The following EMSY variants were observed in gnomAD, a reference collection of about 807,000 sequenced individuals.
The protein encoded by EMSY is EMSY transcriptional repressor, BRCA2 interacting.
A neutral mutation model predicts 134.6 loss-of-function variants in EMSY; 26 were observed. The observed-to-expected ratio is 0.19, with a 90% CI of 0.14 to 0.27. The LOEUF (loss-of-function observed/expected upper bound fraction) is 0.27. Ranked by LOEUF, EMSY falls within the 10% of genes least tolerant of loss-of-function variation. EMSY has a pLI of 1.00. For missense variants in EMSY, 1,305 were observed against 1,611.4 expected, an observed-to-expected ratio of 0.81 and a Z score of 3.26; for synonymous variants, 579 against 577.8, an observed-to-expected ratio of 1.00 and a Z score of -0.03.
intron 8 of EMSY, among the ~76,000 whole-genome samples, chr11:76,495,729 A>G (rs538454565): frequency 6.6e-6 from 1 of 152,332 alleles, no homozygotes; most frequent in East Asian, 1.9e-4. Context: ...AAAGGGAATT[A>G]TCTTGTTCAA....
At chr11:76,516,455 TTAAA>T (rs1950455235) in intron 11 of EMSY, 143 bp downstream of exon 12, 2 of 509,860 alleles carry the variant, frequency 3.9e-6, no homozygotes, top group African/African-American at 2.0e-5. Context: ...TGTTTCATGA[TTAAA>T]TAAAGTTTTT....
chr11:76,550,389 T>G (rs1013316514), exon 21 of EMSY: 4 of 309,638 alleles, frequency 1.3e-5, no homozygotes, highest in African/African-American at 8.6e-5. Context: ...TTACAGTGAC[T>G]TAAGACCTGG....
intron 8 of EMSY, among the ~76,000 whole-genome samples, chr11:76,477,958 G>A (rs578172575): frequency 6.6e-6 from 1 of 152,118 alleles, no homozygotes; most frequent in East Asian, 1.9e-4. Context: ...TTTACCCAAT[G>A]TTGTGACACT....
intron 8 of EMSY, among the ~76,000 whole-genome samples, chr11:76,485,861 G>T (rs1949156464): frequency 6.6e-6 from 1 of 152,172 alleles, no homozygotes; most frequent in African/African-American, 2.4e-5. Flanking sequence ...CAAGTATCTA[G>T]AACCAGAAAT....
At chr11:76,494,696 TTCC>T (rs1565314802) in intron 8 of EMSY, among the ~76,000 whole-genome samples, 11 of 119,922 alleles carry the variant, frequency 9.2e-5, no homozygotes, top group African/African-American at 2.9e-4. Flanking sequence ...CCTTCCTTCC[TTCC>T]TTCCTTCCTT....
At chr11:76,523,397 G>C in intron 12 of EMSY, 106 bp downstream of exon 13, 1 of 1,325,234 alleles carries the variant, frequency 7.5e-7, no homozygotes. Context: ...AGCCAGAATG[G>C]CTTGGTTTAC....
chr11:76,471,020 A>G (rs1056683468), intron 7 of EMSY, among the ~76,000 whole-genome samples: 1 of 152,088 alleles, frequency 6.6e-6, no homozygotes, highest in East Asian at 1.9e-4. Context: ...TCATATCAAT[A>G]TACAAGCAAA....
At chr11:76,500,663 A>G (rs1949827275) in intron 9 of EMSY, among the ~76,000 whole-genome samples, 1 of 152,226 alleles carries the variant, frequency 6.6e-6, no homozygotes, top group South Asian at 2.1e-4. Flanking sequence ...AATAGAGTTT[A>G]ACAGCTGGGT....
chr11:76,478,147 C>A (rs1484700165), intron 8 of EMSY, among the ~76,000 whole-genome samples: 1 of 152,050 alleles, frequency 6.6e-6, no homozygotes, highest in African/African-American at 2.4e-5. Flanking sequence ...CCTGTGAAAT[C>A]CCCCCTTATC....
chr11:76,550,396 C>A lies in EMSY; in HGVS notation c.*250C>A, dbSNP rs939200593. The A allele has an allele frequency of 2.4e-5, 7 of 295,966 alleles. No homozygotes were observed. The Admixed American group carries it at 2.5e-4, about 11-fold the overall frequency. 18.3% of individuals were successfully genotyped at this position (295,966 alleles called of 1,614,324 possible). A position where few individuals can be genotyped will look rare whatever the true frequency, so the allele number is the denominator to read the frequency against. On this transcript the variant is annotated 3_prime_UTR_variant, in exon 21 of 21. Coordinates refer to ENST00000334736, the Ensembl canonical transcript of EMSY. ...CTGCACATTTACAGTGACTTAAGAC[C>A]TGGTCTTCTTTCTCTGTTGGATCAT...
rs1184315665 is a variant in EMSY, at chr11:76,472,847, G to A, written c.1108+7G>A. ...ATGTCAACAGTAGCACAAGGTGAGT[G>A]CTGTTTCACAATTTAATTCTGTCAC... On this transcript the variant is annotated splice_region_variant and intron_variant, in intron 8 of 20. Transcript: ENST00000334736. The A allele has an allele frequency of 6.2e-7, 1 of 1,609,786 alleles. No homozygotes were observed.
At chr11:76,479,798 T>C (rs1268138936) in intron 8 of EMSY, among the ~76,000 whole-genome samples, 2 of 152,130 alleles carry the variant, frequency 1.3e-5, no homozygotes, top group Non-Finnish European at 2.9e-5. Flanking sequence ...CAGAAGTTAA[T>C]GAAAAATAGA....
chr11:76,545,151 A>G (rs1951596209), intron 19 of EMSY, among the ~76,000 whole-genome samples: 2 of 152,314 alleles, frequency 1.3e-5, no homozygotes, highest in Admixed American at 1.3e-4. Context: ...ATTTATTTCC[A>G]TGCCTATAAA....
intron 3 of EMSY, 34 bp from the exon 4 acceptor site, chr11:76,453,280 G>T: frequency 6.3e-7 from 1 of 1,594,794 alleles, no homozygotes; most frequent in South Asian, 1.1e-5. Context: ...CTGCCTGCTT[G>T]GCAGAGTTCT....
chr11:76,466,863 A>G (rs1448706543), intron 7 of EMSY, among the ~76,000 whole-genome samples: 1 of 152,212 alleles, frequency 6.6e-6, no homozygotes, highest in Non-Finnish European at 1.5e-5. Context: ...TTATGAGATG[A>G]GAATGATGTC....
intron 11 of EMSY, among the ~76,000 whole-genome samples, chr11:76,522,352 CTTTTTTTTTTTTT>C (rs71040003): frequency 2.1e-3 from 93 of 44,246 alleles, no homozygotes; most frequent in African/African-American, 7.1e-3. Context: ...GTTTACTTTG[CTTTTTTTTTTTTT>C]TTTTTTTTTT....
intron 19 of EMSY, among the ~76,000 whole-genome samples, chr11:76,545,542 T>C (rs930862908): frequency 6.6e-6 from 1 of 152,236 alleles, no homozygotes; most frequent in Non-Finnish European, 1.5e-5. Flanking sequence ...ACTAGGCTGC[T>C]GAGACTACTT....
chr11:76,550,069 A>G (rs1440435989), exon 21 of EMSY: 2 of 1,613,866 alleles, frequency 1.2e-6, no homozygotes, highest in Admixed American at 1.7e-5. Flanking sequence ...GGAGACAGCA[A>G]TGGAGCAGGA....
intron 12 of EMSY, among the ~76,000 whole-genome samples, chr11:76,525,331 C>T (rs1950807126): frequency 6.6e-6 from 1 of 152,166 alleles, no homozygotes; most frequent in Admixed American, 6.5e-5. Context: ...TAAGTAATTA[C>T]AGCAGATAGT....
Sources: allele counts gnomAD v4.1 joint callset (sites outside exome capture counted in the v4.1 genomes callset), GRCh38; gene constraint gnomAD v4.1.1; transcripts MANE v1.5; gene names NCBI Gene and HGNC (gene_info 2026-07-23, HGNC 2026-07-21).